Variants in TMEM181 observed in about 807,000 individuals in gnomAD.
TMEM181 encodes the protein G protein-coupled receptor 178.
A neutral mutation model predicts 71.9 loss-of-function variants in TMEM181; 39 were observed. The observed-to-expected ratio is 0.54, with a 90% CI of 0.42 to 0.71. TMEM181 has a LOEUF of 0.71. TMEM181 is among the 30% of genes least tolerant of loss of function. TMEM181 has a pLI of 0.00. For synonymous variants in TMEM181, 245 were observed against 228.8 expected, an observed-to-expected ratio of 1.07 and a Z score of -0.64; for missense variants, 595 against 583.0, an observed-to-expected ratio of 1.02 and a Z score of -0.21.
chr6:158,583,000 C>T (rs1028695183), intron 3 of TMEM181, among the ~76,000 whole-genome samples: 6 of 151,894 alleles, frequency 4.0e-5, no homozygotes, highest in South Asian at 2.1e-4. Context: ...TTTGGGAGGC[C>T]GAGGTGGGCT....
intron 1 of TMEM181, among the ~76,000 whole-genome samples, chr6:158,566,224 G>A (rs750989731): frequency 7.2e-5 from 11 of 152,174 alleles, no homozygotes; most frequent in Non-Finnish European, 1.3e-4. Flanking sequence ...ATAGCCAAAC[G>A]GGCATGCCAA....
intron 6 of TMEM181, among the ~76,000 whole-genome samples, chr6:158,590,084 C>T (rs971662171): frequency 6.6e-6 from 1 of 152,208 alleles, no homozygotes; most frequent in African/African-American, 2.4e-5. Flanking sequence ...TCTCTGGCCC[C>T]TGTGAGTGGT....
At chr6:158,580,611 A>C (rs537865209) in intron 2 of TMEM181, among the ~76,000 whole-genome samples, 1 of 152,226 alleles carries the variant, frequency 6.6e-6, no homozygotes, top group Non-Finnish European at 1.5e-5. Context: ...CAGAGTCTCT[A>C]TAGTTAATGC....
intron 3 of TMEM181, 145 bp downstream of exon 3, chr6:158,581,140 G>A (rs1783447595): frequency 2.7e-6 from 2 of 741,576 alleles, no homozygotes; most frequent in African/African-American, 3.5e-5. Flanking sequence ...TCCATTGTCA[G>A]CTGCTGGCAT....
intron 14 of TMEM181, 42 bp from the exon 15 acceptor site, chr6:158,629,688 T>C: frequency 6.6e-7 from 1 of 1,506,424 alleles, no homozygotes; most frequent in Non-Finnish European, 9.0e-7. Context: ...AGCCTCTGAC[T>C]GATGTGTCCA....
At chr6:158,598,322 C>T (rs1186440946) in intron 6 of TMEM181, among the ~76,000 whole-genome samples, 1 of 152,182 alleles carries the variant, frequency 6.6e-6, no homozygotes, top group South Asian at 2.1e-4. Context: ...TTGATTGACA[C>T]TCTGTGGCCA....
At position 158,634,020 on chromosome 6, in the gene TMEM181, G is replaced by T. The variant is rs1386143408; in HGVS notation, c.*2132G>T. ...GAGGCATTTAGCCATACACACACTA[G>T]AACTTTTTAAAACTTTGTCCTATAG... On this transcript the variant is annotated 3_prime_UTR_variant, in exon 17 of 17. Coordinates refer to ENST00000684151, the MANE Select transcript of TMEM181 (RefSeq NM_001376852.1). 6.6e-6 allele frequency: 1 copy of T among 152,106 alleles called. No homozygotes were observed. Among genetic ancestry groups the T allele is most frequent in the East Asian group, 1.9e-4 (1 of 5,200 alleles). 9.4% of individuals were successfully genotyped at this position (152,106 alleles called of 1,614,324 possible). A position where few individuals can be genotyped will look rare whatever the true frequency, so the allele number is the denominator to read the frequency against.
At chr6:158,559,222 T>A (rs1396820502), upstream of TMEM181, among the ~76,000 whole-genome samples, 2 of 152,210 alleles carry the variant, frequency 1.3e-5, no homozygotes, top group Non-Finnish European at 2.9e-5. Context: ...CCTTCCTCAC[T>A]GTAGCACCCT....
chr6:158,597,612 C>T (rs1331878461), intron 6 of TMEM181, among the ~76,000 whole-genome samples: 1 of 152,170 alleles, frequency 6.6e-6, no homozygotes, highest in Non-Finnish European at 1.5e-5. Context: ...GCGATCCTTC[C>T]ACCTCAGTCT....
Position 158,632,054 on chromosome 6 carries a change from T to A in TMEM181, c.*166T>A. 1 of 673,076 alleles carries A rather than the reference T, an allele frequency of 1.5e-6. No homozygotes were observed. The highest frequency in any genetic ancestry group is 2.5e-6 in the Non-Finnish European group (1 of 401,980). 41.7% of individuals were successfully genotyped at this position (673,076 alleles called of 1,614,324 possible). On this transcript the variant is annotated 3_prime_UTR_variant, in exon 17 of 17. Transcript: ENST00000684151. ...AACCAAAACTGAGGGTAAATTTAAA[T>A]GTTTAGCCAAATTTATTGTCATGGT...
At chr6:158,604,212 T>C (rs1377628842) in intron 6 of TMEM181, among the ~76,000 whole-genome samples, 3 of 152,204 alleles carry the variant, frequency 2.0e-5, no homozygotes, top group Non-Finnish European at 2.9e-5. Flanking sequence ...TCTGCCTGGG[T>C]TCCCCTCCAT....
chr6:158,605,128 AAAAG>A (rs1784872246), intron 6 of TMEM181, 135 bp from the exon 7 acceptor site: 1 of 388,482 alleles, frequency 2.6e-6, no homozygotes, highest in Non-Finnish European at 4.1e-6. Flanking sequence ...AAAAAAAAAA[AAAAG>A]TGTGTGTGTG....
rs1349898149 is a variant in TMEM181, at chr6:158,629,722, A to G, written c.1193-8A>G. On this transcript the variant is annotated splice_region_variant and splice_polypyrimidine_tract_variant and intron_variant, in intron 14 of 16. Coordinates refer to ENST00000684151, the MANE Select transcript of TMEM181 (RefSeq NM_001376852.1). ...CAGATGCCGCGTTCCTTCCCTTGAC[A>G]GCACCACCAGCCGAGTTCTTATCTT... is the stretch of plus-strand genomic sequence containing the variant. The G allele has an allele frequency of 1.9e-6, 3 of 1,601,352 alleles. No homozygotes were observed. Among genetic ancestry groups the G allele is most frequent in the Middle Eastern group, 3.3e-4 (2 of 6,006 alleles).
intron 6 of TMEM181, among the ~76,000 whole-genome samples, chr6:158,595,882 C>A (rs375141940): frequency 1.3e-5 from 2 of 152,042 alleles, no homozygotes; most frequent in South Asian, 2.1e-4. Flanking sequence ...TTGTGACGTT[C>A]ATTGAACTGT....
intron 1 of TMEM181, among the ~76,000 whole-genome samples, chr6:158,560,560 C>T (rs937730504): frequency 2.0e-5 from 3 of 152,170 alleles, no homozygotes; most frequent in East Asian, 3.9e-4. Context: ...CGGCCCTTCC[C>T]CGGCGTAGGG....
chr6:158,593,801 A>AG (rs1784241247), intron 6 of TMEM181, among the ~76,000 whole-genome samples: 1 of 152,168 alleles, frequency 6.6e-6, no homozygotes, highest in Non-Finnish European at 1.5e-5. Flanking sequence ...AGGAAGGTAC[A>AG]GAGAGTTCCT....
At chr6:158,607,855 T>G (rs1044649783) in intron 8 of TMEM181, among the ~76,000 whole-genome samples, 1 of 152,164 alleles carries the variant, frequency 6.6e-6, no homozygotes, top group African/African-American at 2.4e-5. Context: ...TAGTTAAAAC[T>G]TGGACGTGCT....
chr6:158,628,716 C>G (rs1358980520), intron 14 of TMEM181, among the ~76,000 whole-genome samples: 1 of 152,208 alleles, frequency 6.6e-6, no homozygotes, highest in African/African-American at 2.4e-5. Flanking sequence ...AGTAGTTGCC[C>G]CAGGTCAGGT....
chr6:158,597,950 T>C (rs1177956207), intron 6 of TMEM181, among the ~76,000 whole-genome samples: 2 of 152,234 alleles, frequency 1.3e-5, no homozygotes, highest in East Asian at 3.9e-4. Context: ...AGATTCCAAC[T>C]GTAGCAAGTG....
Sources: allele counts gnomAD v4.1 joint callset (sites outside exome capture counted in the v4.1 genomes callset), GRCh38; gene constraint gnomAD v4.1.1; transcripts MANE v1.5; gene names NCBI Gene and HGNC (gene_info 2026-07-23, HGNC 2026-07-21).